The following ATPAF1 variants were observed in gnomAD, a reference collection of about 807,000 sequenced individuals.
ATPAF1 encodes ATP synthase mitochondrial F1 complex assembly factor 1, also known as homolog of yeast ATP11.
In ATPAF1, 26 loss-of-function variants were observed where a neutral mutation model predicts 43.9. The observed-to-expected ratio is 0.59, with a 90% CI of 0.43 to 0.82. The LOEUF (loss-of-function observed/expected upper bound fraction) is 0.82, where lower values mean the gene tolerates loss of function less well. Among genes scored for constraint, ATPAF1 ranks in the 40% least tolerant of loss-of-function variants. ATPAF1 has a pLI of 0.00. For missense variants in ATPAF1, 366 were observed against 435.0 expected (o/e 0.84, Z 1.41); for synonymous variants, 157 against 168.0 (o/e 0.93, Z 0.50).
At chr1:46,655,101 C>G (rs1421108027) in intron 4 of ATPAF1, among the ~76,000 whole-genome samples, 5 of 152,082 alleles carry the variant, frequency 3.3e-5, no homozygotes, top group Non-Finnish European at 5.9e-5. Flanking sequence ...CCTATAAAAC[C>G]ATCAGATCTC....
At chr1:46,655,647 CTTAT>C (rs944480961) in intron 4 of ATPAF1, among the ~76,000 whole-genome samples, 18 of 152,084 alleles carry the variant, frequency 1.2e-4, no homozygotes, top group Admixed American at 1.2e-3. Context: ...GCTCTGTGTT[CTTAT>C]TTTTTACTAC....
chr1:46,665,709 T>C (rs1676479117), intron 1 of ATPAF1: 1 of 1,531,852 alleles, frequency 6.5e-7, no homozygotes, highest in Admixed American at 2.0e-5. Context: ...AAGAATCCTA[T>C]AGCCTCCTTA....
exon 8 of ATPAF1, chr1:46,643,261 T>C (rs775525603): frequency 6.2e-7 from 1 of 1,613,874 alleles, no homozygotes; most frequent in Admixed American, 1.7e-5. Context: ...TTCAGGATAG[T>C]GATATAAAAT....
chr1:46,654,831 G>A (rs570663481), intron 4 of ATPAF1, among the ~76,000 whole-genome samples: 1 of 152,080 alleles, frequency 6.6e-6, no homozygotes, highest in East Asian at 1.9e-4. Context: ...GAGAATGATG[G>A]TTTCCAGCTT....
chr1:46,643,160 G>T, intron 8 of ATPAF1, 34 bp downstream of exon 8: 1 of 1,557,220 alleles, frequency 6.4e-7, no homozygotes, highest in Non-Finnish European at 8.8e-7. Flanking sequence ...GTGCCATGAG[G>T]TAAATCCAAA....
intron 4 of ATPAF1, among the ~76,000 whole-genome samples, chr1:46,654,694 C>A (rs1326066068): frequency 6.6e-6 from 1 of 151,956 alleles, no homozygotes; most frequent in Non-Finnish European, 1.5e-5. Flanking sequence ...TCCCCCAGCC[C>A]TCCACCCCCT....
In ATPAF1 at chr1:46,643,312, G is replaced by T; in HGVS notation, c.685-11C>A. Reference sequence around the variant, plus strand: ...AGCTTCCCCTCGGGTCTGCAAGGTGGAACACTTATCAAGGCTCAATAAGGT... The same window carrying T: ...AGCTTCCCCTCGGGTCTGCAAGGTGTAACACTTATCAAGGCTCAATAAGGT... On this transcript the variant is annotated splice_polypyrimidine_tract_variant and intron_variant, in intron 7 of 8. Coordinates refer to ENST00000574428, the Ensembl canonical transcript of ATPAF1. 2 of 1,594,316 alleles carry T rather than the reference G, an allele frequency of 1.3e-6. No individual in the cohort carries two copies. The highest frequency in any genetic ancestry group is 1.7e-6 in the Non-Finnish European group (2 of 1,164,140).
rs114879191 is a variant in ATPAF1, at chr1:46,655,294, T to C, written c.490-1427A>G. On this transcript the variant is annotated intron_variant, in intron 4 of 8. Coordinates refer to ENST00000574428, the Ensembl canonical transcript of ATPAF1. Reference sequence around the variant, plus strand: ...GGCATGTTATAGGCAGCTCTTAAAATCCTGCTTCCAGAAAGTCTTCTACAT... The same window carrying C: ...GGCATGTTATAGGCAGCTCTTAAAACCCTGCTTCCAGAAAGTCTTCTACAT... Among the ~76,000 whole-genome samples the C allele has an allele frequency of 5.8e-3, 882 of 152,258 alleles. 5 individuals carry two copies. The highest frequency in any genetic ancestry group is 0.02 in the African/African-American group (850 of 41,540).
In ATPAF1 at chr1:46,645,275, C is replaced by A; in HGVS notation, c.589-19G>T. On this transcript the variant is annotated intron_variant, in intron 6 of 8. Transcript: ENST00000574428. ...ATAGAAACTGTGAAAAACAGATATA[C>A]AAGGAGACAGATGAATAAATGAAAT... 2.6e-6 allele frequency: 4 copies of A among 1,554,118 alleles called. No individual in the cohort carries two copies. Among genetic ancestry groups the A allele is most frequent in the Non-Finnish European group, 3.6e-6 (4 of 1,126,160 alleles).
At chr1:46,656,317 G>A (rs1018826554) in intron 4 of ATPAF1, among the ~76,000 whole-genome samples, 5 of 152,090 alleles carry the variant, frequency 3.3e-5, no homozygotes, top group African/African-American at 1.2e-4. Flanking sequence ...TTGAAGAATG[G>A]GTCAACTTCC....
intron 1 of ATPAF1, chr1:46,666,022 T>C (rs1676484756): frequency 3.2e-6 from 1 of 310,878 alleles, no homozygotes; most frequent in African/African-American, 2.2e-5. Flanking sequence ...GGATATTTGG[T>C]TTTGTACACT....
chr1:46,639,985 C>T (rs1017334624), intron 8 of ATPAF1, among the ~76,000 whole-genome samples: 3 of 152,110 alleles, frequency 2.0e-5, no homozygotes, highest in Non-Finnish European at 2.9e-5. Context: ...TGTGCTTTGC[C>T]GAAGACCAGA....
chr1:46,661,308 C>T (rs894143943), intron 2 of ATPAF1, among the ~76,000 whole-genome samples: 8 of 152,122 alleles, frequency 5.3e-5, no homozygotes. Context: ...AACTCCTGAC[C>T]TCAAGTGATC....
At chr1:46,635,667 A>G (rs1346332196) in exon 9 of ATPAF1, 1 of 1,120,426 alleles carries the variant, frequency 8.9e-7, no homozygotes, top group Non-Finnish European at 1.3e-6. Context: ...AGGGCAACTC[A>G]TTACCAACTG....
At chr1:46,638,155 G>A (rs1235620215) in intron 8 of ATPAF1, among the ~76,000 whole-genome samples, 1 of 152,202 alleles carries the variant, frequency 6.6e-6, no homozygotes, top group Non-Finnish European at 1.5e-5. Context: ...TGGGAAGGTA[G>A]GAGTAAGTTC....
chr1:46,652,831 T>G (rs1176840001), intron 5 of ATPAF1, among the ~76,000 whole-genome samples: 1 of 152,154 alleles, frequency 6.6e-6, no homozygotes, highest in African/African-American at 2.4e-5. Context: ...CAGAATTATG[T>G]GTAAAGACTA....
At chr1:46,665,651 A>G (rs865963277) in intron 1 of ATPAF1, 1 of 1,534,478 alleles carries the variant, frequency 6.5e-7, no homozygotes, top group Non-Finnish European at 8.7e-7. Context: ...ACTTACATTC[A>G]GGGTACTTAG....
At chr1:46,649,480 G>A (rs1049243207) in intron 6 of ATPAF1, among the ~76,000 whole-genome samples, 1 of 152,222 alleles carries the variant, frequency 6.6e-6, no homozygotes, top group African/African-American at 2.4e-5. Flanking sequence ...CTCAAGCTTT[G>A]TTCTTTTTCA....
intron 2 of ATPAF1, among the ~76,000 whole-genome samples, chr1:46,659,288 TTC>T (rs1316948462): frequency 6.6e-6 from 1 of 152,182 alleles, no homozygotes; most frequent in Non-Finnish European, 1.5e-5. Flanking sequence ...GAGATAAGAT[TTC>T]TCTCTCAGTA....
Sources: gnomAD v4.1 joint callset for allele counts (sites outside exome capture counted in the v4.1 genomes callset) on GRCh38, gnomAD v4.1.1 for gene constraint, MANE v1.5 for transcripts, NCBI Gene and HGNC (gene_info 2026-07-23, HGNC 2026-07-21) for gene names.